Variants in WDTC1 observed in about 807,000 individuals in gnomAD.
The protein encoded by WDTC1 is WD and tetratricopeptide repeats 1.
Under a neutral mutation model 76.0 loss-of-function variants are expected in WDTC1, and 12 were observed. The ratio of observed to expected loss-of-function variants is 0.16; its 90% CI spans 0.10 to 0.26. WDTC1 has a LOEUF of 0.26. Ranked by LOEUF, WDTC1 falls within the 10% of genes least tolerant of loss-of-function variation. WDTC1 has a pLI of 1.00. For synonymous variants in WDTC1, 326 were observed against 350.8 expected, an observed-to-expected ratio of 0.93 and a Z score of 0.79; for missense variants, 511 against 908.8, an observed-to-expected ratio of 0.56 and a Z score of 5.63.
chr1:27,291,042 A>AG (rs1285406746), intron 6 of WDTC1, among the ~76,000 whole-genome samples: 2 of 152,148 alleles, frequency 1.3e-5, no homozygotes, highest in Non-Finnish European at 2.9e-5. Context: ...CGGAGCGTCT[A>AG]GCGCATTGGG....
At chr1:27,250,909 C>T (rs2147915407) in intron 1 of WDTC1, among the ~76,000 whole-genome samples, 1 of 150,546 alleles carries the variant, frequency 6.6e-6, no homozygotes, top group East Asian at 2.0e-4. Flanking sequence ...CTCTGTCACC[C>T]AGGCTGGAGT....
In WDTC1 at chr1:27,303,659, C is replaced by T. The variant is rs769042238; in HGVS notation, c.1507C>T (p.Leu503Phe). The T allele has an allele frequency of 1.2e-6, 2 of 1,608,090 alleles. No homozygotes were observed. Among genetic ancestry groups the T allele is most frequent in the Admixed American group, 1.7e-5 (1 of 58,624 alleles). The part of the protein sequence containing the change: ...KGPGGGAPVR[L>F]RSTSRKDSIS... ...ACCTGGTGGCGGCGCCCCAGTCCGC[C>T]TCCGCAGCACGAGCCGCAAGGACTC... is the stretch of plus-strand genomic sequence containing the variant. The change falls in exon 14 of 16, where the codon CTC (leucine) becomes TTC (phenylalanine). Residue 503 changes from leucine to phenylalanine, a missense_variant. Transcript: ENST00000319394. This position sits in a 1 kb window ranked among gnomAD's most constrained non-coding sequence, Gnocchi z 4.8.
chr1:27,287,860 C>T lies in WDTC1; in HGVS notation c.478C>T (p.Arg160Cys). 4.3e-6 allele frequency: 7 copies of T among 1,611,844 alleles called. No individual in the cohort carries two copies. Among genetic ancestry groups the T allele is most frequent in the Non-Finnish European group, 5.9e-6 (7 of 1,178,970 alleles). Residue 160 changes from arginine (R) to cysteine (C), a missense_variant and splice_region_variant, in exon 6 of 16, where the codon CGC becomes TGC. Physicochemically the swap from Arg to Cys is radical, Grantham distance 180. Coordinates refer to ENST00000319394, the MANE Select transcript of WDTC1 (RefSeq NM_001276252.2). ...FWSAAEDGLI[R>C]QYDLRENSKH... ...GAGTGCTGCTGAGGATGGGCTTATC[C>T]GGTAAGAGTCTGGGGCATCTAGTGG...
At chr1:27,298,670 T>C (rs995722110) in intron 12 of WDTC1, among the ~76,000 whole-genome samples, 2 of 152,158 alleles carry the variant, frequency 1.3e-5, no homozygotes, top group Admixed American at 6.5e-5. Context: ...AGACCATATC[T>C]GAAAGAACTC....
In WDTC1 at chr1:27,283,717, T is replaced by G. The variant is rs2013257331; in HGVS notation, c.291+268T>G. Among the ~76,000 whole-genome samples the G allele has an allele frequency of 3.9e-5, 6 of 152,198 alleles. No individual in the cohort carries two copies. The South Asian group carries it at 1.2e-3, about 31-fold the overall frequency. Reference sequence around the variant, plus strand: ...GGGGGTATGGTTCTGAACGTGAACTTAGAGAGCAGGCATACCTGGGTTTGA... The same window carrying G: ...GGGGGTATGGTTCTGAACGTGAACTGAGAGAGCAGGCATACCTGGGTTTGA... On this transcript the variant is annotated intron_variant, in intron 5 of 15. Transcript: ENST00000319394.
chr1:27,289,014 G>A (rs1179934335), intron 6 of WDTC1, among the ~76,000 whole-genome samples: 14 of 147,906 alleles, frequency 9.5e-5, no homozygotes, highest in Non-Finnish European at 2.0e-4. Context: ...CGGACGGGGC[G>A]GCTGGCTGGG....
intron 1 of WDTC1, among the ~76,000 whole-genome samples, chr1:27,253,389 T>TTCTTCTTCCCCTC (rs2012153572): frequency 1.5e-5 from 1 of 67,814 alleles, no homozygotes; most frequent in Non-Finnish European, 3.0e-5. Flanking sequence ...TCTTTCTTCT[T>TTCTTCTTCCCCTC]CCCCTCCCCC....
At chr1:27,247,434 G>T (rs1428927008) in intron 1 of WDTC1, among the ~76,000 whole-genome samples, 1 of 152,034 alleles carries the variant, frequency 6.6e-6, no homozygotes, top group African/African-American at 2.4e-5. Flanking sequence ...CAGGTACTAA[G>T]CCTAGTACTC....
chr1:27,262,523 G>A (rs1413691226), intron 2 of WDTC1, among the ~76,000 whole-genome samples: 3 of 152,054 alleles, frequency 2.0e-5, no homozygotes, highest in Non-Finnish European at 4.4e-5. Flanking sequence ...CGAGTAGCTG[G>A]GATTACAGGC....
In WDTC1 at chr1:27,301,057, G is replaced by GA. The variant is rs879343584; in HGVS notation, c.1233-168dup. Among the ~76,000 whole-genome samples, 10 of 152,324 alleles carry GA rather than the reference G, an allele frequency of 6.6e-5. No individual in the cohort carries two copies. Among genetic ancestry groups the GA allele is most frequent in the Admixed American group, 1.3e-4 (2 of 15,304 alleles). ...GCTCCTTAACCATACTCTGTCTCCT[G>GA]ATGGGGGAGGCCTGGGCTGAGCCAG... On this transcript the variant is annotated intron_variant, in intron 12 of 15. Coordinates refer to ENST00000319394, the MANE Select transcript of WDTC1 (RefSeq NM_001276252.2). This position sits in a 1 kb window ranked among gnomAD's most constrained non-coding sequence, Gnocchi z 5.8.
chr1:27,262,384 C>CTTATTT (rs1250960295), intron 2 of WDTC1, among the ~76,000 whole-genome samples: 2 of 151,520 alleles, frequency 1.3e-5, no homozygotes, highest in East Asian at 3.9e-4. Context: ...TTTTATTTAT[C>CTTATTT]TTATTTTTAT....
At chr1:27,277,908 T>C (rs1384230997) in intron 3 of WDTC1, among the ~76,000 whole-genome samples, 1 of 152,180 alleles carries the variant, frequency 6.6e-6, no homozygotes, top group Non-Finnish European at 1.5e-5. Flanking sequence ...TGGCATGATC[T>C]TGGCTCACCG....
rs78037021 is a variant in WDTC1, at chr1:27,296,310, C to G, written c.874-16C>G. ...CTCACAGCTTCCATCTCTTTTTTTG[C>G]CCCCCTCAACTCTAGGTCTATTTGT... On this transcript the variant is annotated splice_polypyrimidine_tract_variant and intron_variant, in intron 9 of 15. Transcript: ENST00000319394. The G allele has an allele frequency of 6.2e-7, 1 of 1,613,024 alleles. No individual in the cohort carries two copies. The highest frequency in any genetic ancestry group is 8.5e-7 in the Non-Finnish European group (1 of 1,179,680).
At chr1:27,264,692 T>TG (rs1423202993) in intron 3 of WDTC1, among the ~76,000 whole-genome samples, 1 of 152,194 alleles carries the variant, frequency 6.6e-6, no homozygotes, top group African/African-American at 2.4e-5. Context: ...CTTGCTGTGT[T>TG]GCCCAAGCTG....
In WDTC1 at chr1:27,303,819, T is replaced by TG; in HGVS notation, c.1643+25dup. 2.5e-6 allele frequency: 4 copies of TG among 1,612,084 alleles called. No homozygotes were observed. The highest frequency in any genetic ancestry group is 3.4e-6 in the Non-Finnish European group (4 of 1,179,318). On this transcript the variant is annotated intron_variant, in intron 14 of 15. Coordinates refer to ENST00000319394, the MANE Select transcript of WDTC1 (RefSeq NM_001276252.2). This position sits in a 1 kb window ranked among gnomAD's most constrained non-coding sequence, Gnocchi z 4.8. The stretch of plus-strand genomic sequence containing the variant: ...AGGTCCGAGGCCCTGAAGAGGAGGG[T>TG]GCAGCCCAGTTGGCAGCGGGAGGTT...
intron 12 of WDTC1, among the ~76,000 whole-genome samples, chr1:27,299,397 C>A (rs1324849283): frequency 6.6e-6 from 1 of 152,082 alleles, no homozygotes; most frequent in Non-Finnish European, 1.5e-5. Flanking sequence ...AGTTGGGTCG[C>A]TTTAGCTGGG....
Position 27,306,054 on chromosome 1 carries a change from C to A in WDTC1, c.1837-132C>A. On this transcript the variant is annotated intron_variant, in intron 15 of 15. Coordinates refer to ENST00000319394, the MANE Select transcript of WDTC1 (RefSeq NM_001276252.2). This position sits in a 1 kb window ranked among gnomAD's most constrained non-coding sequence, Gnocchi z 5.0. Reference sequence around the variant, plus strand: ...GTGTGTTCCCCTCCACCATATACACCTCCTGGCATGTATGTGTACCTCCCC... The same window carrying A: ...GTGTGTTCCCCTCCACCATATACACATCCTGGCATGTATGTGTACCTCCCC... 2.0e-6 allele frequency: 2 copies of A among 1,011,194 alleles called. No homozygotes were observed. The highest frequency in any genetic ancestry group is 2.9e-6 in the Non-Finnish European group (2 of 683,360). The allele number at this position is 1,011,194 out of a possible 1,614,324, so 62.6% of individuals were successfully genotyped here.
chr1:27,239,104 A>G (rs1239299385), intron 1 of WDTC1, among the ~76,000 whole-genome samples: 3 of 144,254 alleles, frequency 2.1e-5, no homozygotes, highest in Admixed American at 1.4e-4. Flanking sequence ...GGGTTTCACT[A>G]TGTTGCTCAG....
chr1:27,234,888 C>A lies in WDTC1; in HGVS notation c.-163C>A. On this transcript the variant is annotated 5_prime_UTR_variant, in exon 1 of 16. Coordinates refer to ENST00000319394, the MANE Select transcript of WDTC1 (RefSeq NM_001276252.2). ...CCCCCTTCCCGGGAGAGGGGCCGCC[C>A]CCCCCGGACGGACATGGGCTCCTGA... 2 of 395,926 alleles carry A rather than the reference C, an allele frequency of 5.1e-6. No individual in the cohort carries two copies. The highest frequency in any genetic ancestry group is 8.9e-6 in the Non-Finnish European group (2 of 224,336). The allele number at this position is 395,926 out of a possible 1,614,324, so 24.5% of individuals were successfully genotyped here.
Sources: allele counts gnomAD v4.1 joint callset (sites outside exome capture counted in the v4.1 genomes callset), GRCh38; gene constraint gnomAD v4.1.1; non-coding constraint Gnocchi (gnomAD v3.1); transcripts MANE v1.5; gene names NCBI Gene and HGNC (gene_info 2026-07-23, HGNC 2026-07-21).